CLASRP: variants seen among roughly 807,000 people sequenced by gnomAD.
The protein encoded by CLASRP is CLK4 associating serine/arginine rich protein, also known as CLK4-associating serine/arginine rich protein.
A neutral mutation model predicts 99.9 loss-of-function variants in CLASRP; 52 were observed. That is an observed-to-expected ratio of 0.52 (90% CI 0.42 to 0.66). The LOEUF is 0.66. Among genes scored for constraint, CLASRP ranks in the 30% least tolerant of loss-of-function variants. The pLI is 0.00. For synonymous variants in CLASRP, 379 were observed against 373.0 expected, an observed-to-expected ratio of 1.02 and a Z score of -0.18; for missense variants, 848 against 999.2, an observed-to-expected ratio of 0.85 and a Z score of 2.04.
chr19:45,065,429 C>T (rs1967063568), intron 13 of CLASRP, among the ~76,000 whole-genome samples: 1 of 150,774 alleles, frequency 6.6e-6, no homozygotes, highest in Non-Finnish European at 1.5e-5. Context: ...GGCGTGGTGG[C>T]ACGCGCATGT....
chr19:45,068,311 T>TCCCCCCCCCCCCCCCC, intron 15 of CLASRP, 109 bp from the exon 16 acceptor site: 2 of 543,612 alleles, frequency 3.7e-6, no homozygotes, highest in Non-Finnish European at 6.7e-6. Context: ...CACGTCGTTC[T>TCCCCCCCCCCCCCCCC]CCCCCCCCCA....
rs764854324 is a variant in CLASRP, at chr19:45,064,036, GTCCCGC to G, written c.947_952del (p.Arg316_Ser317del). The G allele has an allele frequency of 3.2e-5, 51 of 1,612,306 alleles. No individual in the cohort carries two copies. Among genetic ancestry groups the G allele is most frequent in the African/African-American group, 4.0e-5 (3 of 74,908 alleles). ...GGTCACCCTCGGAGTCCAGCTCAGA[GTCCCGC>G]TCCCGCTCCCGCTCCCCGACCCCGG... On this transcript the variant is annotated inframe_deletion, in exon 12 of 21. Transcript: ENST00000221455.
chr19:45,065,671 G>GGTC (rs1382605319), intron 13 of CLASRP, among the ~76,000 whole-genome samples: 1 of 152,134 alleles, frequency 6.6e-6, no homozygotes, highest in African/African-American at 2.4e-5. Context: ...ACCCCCTTCC[G>GGTC]GTCCCCTTGC....
chr19:45,040,866 A>G, intron 2 of CLASRP: 1 of 153,126 alleles, frequency 6.5e-6, no homozygotes, highest in Non-Finnish European at 1.5e-5. Context: ...TGGGAGGCTG[A>G]CGCACGAGAA....
Position 45,040,213 on chromosome 19 carries a change from A to ATG in CLASRP, c.4_5dup (p.Trp2?). 6.2e-7 allele frequency: 1 copy of ATG among 1,604,332 alleles called. No individual in the cohort carries two copies. Among genetic ancestry groups the ATG allele is most frequent in the Non-Finnish European group, 8.5e-7 (1 of 1,176,694 alleles). ...AGGCCCCAGGCTTGGCCTCACCACA[A>ATG]TGTGGCACGAGGCTCGGAAGCATGA... On this transcript the variant is annotated frameshift_variant and start_lost, in exon 2 of 21. Coordinates refer to ENST00000221455, the MANE Select transcript of CLASRP (RefSeq NM_007056.3). LOFTEE classifies it high-confidence loss of function.
chr19:45,069,794 G>GCC, intron 18 of CLASRP: 1 of 553,310 alleles, frequency 1.8e-6, no homozygotes, highest in South Asian at 2.2e-5. Context: ...GGACTATCCT[G>GCC]CCTCCCTCTG....
Position 45,067,955 on chromosome 19 carries a change from A to G in CLASRP, c.1668-60A>G. ...TGAGGGCAGTGCTGAGGCTGGGGTC[A>G]GAGGTGGCAGCTGCCCTTTCCCCCT... On this transcript the variant is annotated intron_variant, in intron 14 of 20. Transcript: ENST00000221455. The surrounding 1 kb of genome is among the most constrained non-coding windows in gnomAD (Gnocchi z 4.9). 1.6e-6 allele frequency: 2 copies of G among 1,254,846 alleles called. No homozygotes were observed. The highest frequency in any genetic ancestry group is 2.3e-6 in the Non-Finnish European group (2 of 853,070). 77.7% of individuals were successfully genotyped at this position (1,254,846 alleles called of 1,614,324 possible). A position where few individuals can be genotyped will look rare whatever the true frequency, so the allele number is the denominator to read the frequency against.
At chr19:45,059,967 C>G (rs1009014570) in intron 8 of CLASRP, among the ~76,000 whole-genome samples, 2 of 47,344 alleles carry the variant, frequency 4.2e-5, no homozygotes, top group Non-Finnish European at 1.2e-4. Context: ...CCTGGGCCAG[C>G]CCCTGGGCCA....
Position 45,060,754 on chromosome 19 carries a change from G to T in CLASRP, c.863+127G>T. ...AAAGGAGTCTTTCTAGTGGGGCGAT[G>T]CATGGCCATCGTGAAGGTTTAGAGG... On this transcript the variant is annotated intron_variant, in intron 10 of 20. Coordinates refer to ENST00000221455, the MANE Select transcript of CLASRP (RefSeq NM_007056.3). The surrounding 1 kb of genome is among the most constrained non-coding windows in gnomAD (Gnocchi z 4.6). The T allele has an allele frequency of 1.4e-6, 1 of 735,254 alleles. No individual in the cohort carries two copies. Among genetic ancestry groups the T allele is most frequent in the Non-Finnish European group, 2.2e-6 (1 of 448,770 alleles). The allele number at this position is 735,254 out of a possible 1,614,324, so 45.5% of individuals were successfully genotyped here.
At chr19:45,041,937 G>T (rs1971821139) in intron 2 of CLASRP, among the ~76,000 whole-genome samples, 1 of 152,214 alleles carries the variant, frequency 6.6e-6, no homozygotes. Context: ...TTATCTGTCA[G>T]ATCTCAGTCC....
intron 7 of CLASRP, 45 bp from the exon 8 acceptor site, chr19:45,059,223 C>T: frequency 6.5e-7 from 1 of 1,527,348 alleles, no homozygotes. Context: ...TCTCCCCTGT[C>T]CTCTCGCTCG....
intron 18 of CLASRP, among the ~76,000 whole-genome samples, chr19:45,069,491 C>G (rs1490075623): frequency 6.6e-6 from 1 of 152,206 alleles, no homozygotes; most frequent in Non-Finnish European, 1.5e-5. Flanking sequence ...CCTCCAAGTG[C>G]CAGTCACCTT....
chr19:45,057,921 C>G (rs752584603), intron 7 of CLASRP, 23 bp downstream of exon 7: 39 of 1,612,850 alleles, frequency 2.4e-5, no homozygotes, highest in Non-Finnish European at 3.2e-5. Flanking sequence ...CTCTGCCCTC[C>G]CCACCTGCAG....
chr19:45,058,324 A>C, intron 7 of CLASRP: 2 of 168,248 alleles, frequency 1.2e-5, no homozygotes, highest in South Asian at 1.5e-4. Flanking sequence ...TGATCAAACC[A>C]CCCCCAAGTC....
At chr19:45,047,967 C>A (rs538187625) in intron 2 of CLASRP, among the ~76,000 whole-genome samples, 2 of 151,724 alleles carry the variant, frequency 1.3e-5, no homozygotes, top group East Asian at 3.9e-4. Context: ...TGCCTGTACT[C>A]GGGAGGCTGA....
In CLASRP at chr19:45,064,086, C is replaced by G. The variant is rs570991097; in HGVS notation, c.980C>G (p.Thr327Arg). 6.2e-6 allele frequency: 10 copies of G among 1,610,318 alleles called. No homozygotes were observed. In the South Asian group the frequency reaches 7.7e-5, roughly 12 times the overall value. The change falls in exon 12 of 21, where the codon ACG becomes AGG. Residue 327 changes from threonine (T) to arginine (R), a missense_variant. Thr to Arg is a moderately conservative substitution (Grantham distance 71). This residue lies in a region of CLASRP where 489 missense variants were observed against 434.7 expected (regional missense o/e 1.12). Transcript: ENST00000221455. ...SPTPGREEKITFITSFGGSDE... is the reference protein window; with the variant it reads ...SPTPGREEKIRFITSFGGSDE... ...ACCCCGGGCCGCGAGGAGAAGATCACGTTCATCACCAGTTTTGGGGGCAGC... is the reference window on the plus strand; with the variant it reads ...ACCCCGGGCCGCGAGGAGAAGATCAGGTTCATCACCAGTTTTGGGGGCAGC...
chr19:45,056,466 C>T lies in CLASRP; in HGVS notation c.396C>T (p.Cys132=). The T allele has an allele frequency of 1.2e-6, 2 of 1,613,848 alleles. No homozygotes were observed. Among genetic ancestry groups the T allele is most frequent in the Non-Finnish European group, 1.7e-6 (2 of 1,179,892 alleles). The part of the protein sequence containing the change: ...NDFAGISEEQ[C]LYQIYIDELY... ...TTGCTGCAGTCTCAGAGGAGCAGTG[C>T]CTGTACCAGATCTACATTGATGAGT... Residue 132 remains cysteine, a synonymous_variant, in exon 6 of 21, where the codon TGC becomes TGT. Coordinates refer to ENST00000221455, the MANE Select transcript of CLASRP (RefSeq NM_007056.3).
intron 11 of CLASRP, 53 bp downstream of exon 11, chr19:45,062,248 G>T: frequency 9.9e-7 from 1 of 1,015,160 alleles, no homozygotes; most frequent in Non-Finnish European, 1.6e-6. Context: ...TCCTGATGGG[G>T]ACAGGGGTGC....
In CLASRP at chr19:45,058,557, T is replaced by G. The variant is rs186309107; in HGVS notation, c.613+659T>G. Among the ~76,000 whole-genome samples the G allele has an allele frequency of 3.7e-3, 565 of 152,198 alleles. 2 individuals are homozygous for G. The highest frequency in any genetic ancestry group is 0.013 in the African/African-American group (537 of 41,512). ...CACGCCACCACGCCCAGCTAATTTT[T>G]GTACTTTTAGTAGAGACGGGGGTTT... On this transcript the variant is annotated intron_variant, in intron 7 of 20. Transcript: ENST00000221455.
Sources: allele counts gnomAD v4.1 joint callset (sites outside exome capture counted in the v4.1 genomes callset), GRCh38; gene constraint gnomAD v4.1.1; regional missense constraint gnomAD v4.1.1; non-coding constraint Gnocchi (gnomAD v3.1); transcripts MANE v1.5; gene names NCBI Gene and HGNC (gene_info 2026-07-23, HGNC 2026-07-21).